Variants in KLF12 observed in about 807,000 individuals in gnomAD.
KLF12 encodes the protein KLF transcription factor 12.
Under a neutral mutation model 37.8 loss-of-function variants are expected in KLF12, and 9 were observed. That is an observed-to-expected ratio of 0.24 (90% CI 0.14 to 0.42). The LOEUF is 0.42. KLF12 is among the 10% of genes least tolerant of loss of function. The probability of loss-of-function intolerance (pLI) is 1.00; values close to 1 mark genes in which losing one functional copy is unlikely to be tolerated. For synonymous variants in KLF12, 208 were observed against 202.1 expected (o/e 1.03, Z -0.25); for missense variants, 411 against 516.0 (o/e 0.80, Z 1.97).
intron 1 of KLF12, among the ~76,000 whole-genome samples, chr13:74,060,053 A>G (rs1327285479): frequency 1.3e-5 from 2 of 152,150 alleles, no homozygotes; most frequent in African/African-American, 4.8e-5. Flanking sequence ...CCACTTTGTC[A>G]AAGATCAGTT....
chr13:74,179,723 C>G, the KLF12 span, among the ~76,000 whole-genome samples: 104 of 152,248 alleles, frequency 6.8e-4, no homozygotes, highest in Non-Finnish European at 1.1e-3. Flanking sequence ...TAGTGTACTC[C>G]AGGTGGCTAG....
At chr13:73,987,164 T>G (rs1891845454) in intron 2 of KLF12, among the ~76,000 whole-genome samples, 1 of 152,146 alleles carries the variant, frequency 6.6e-6, no homozygotes, top group Non-Finnish European at 1.5e-5. Flanking sequence ...AAAAACTGAT[T>G]ACGTGTAAGA....
At chr13:74,192,046 CA>C in the KLF12 span, among the ~76,000 whole-genome samples, 1 of 151,874 alleles carries the variant, frequency 6.6e-6, no homozygotes, top group South Asian at 2.1e-4. Flanking sequence ...CAGTCACATT[CA>C]AACTTATTGT....
chr13:74,057,470 G>A (rs1013660610), intron 1 of KLF12, among the ~76,000 whole-genome samples: 10 of 152,164 alleles, frequency 6.6e-5, no homozygotes, highest in Non-Finnish European at 1.5e-4. Flanking sequence ...CAATCGAAAC[G>A]ATGGCTACAA....
At chr13:74,027,567 T>G (rs1893008459) in intron 1 of KLF12, among the ~76,000 whole-genome samples, 1 of 152,154 alleles carries the variant, frequency 6.6e-6, no homozygotes, top group South Asian at 2.1e-4. Context: ...ACAGTAAAAC[T>G]GAAGATAAAG....
At chr13:73,704,927 T>C (rs987494030) in intron 7 of KLF12, among the ~76,000 whole-genome samples, 1 of 152,170 alleles carries the variant, frequency 6.6e-6, no homozygotes, top group African/African-American at 2.4e-5. Flanking sequence ...AAATAGAACA[T>C]AGGAGGGTCA....
the KLF12 span, among the ~76,000 whole-genome samples, chr13:74,176,332 A>G: frequency 6.6e-6 from 1 of 152,172 alleles, no homozygotes; most frequent in Non-Finnish European, 1.5e-5. Flanking sequence ...AATTTTCTAC[A>G]AATACATAAA....
chr13:74,119,332 C>CA (rs35654507), intron 1 of KLF12, among the ~76,000 whole-genome samples: 37 of 142,174 alleles, frequency 2.6e-4, no homozygotes, highest in African/African-American at 4.5e-4. Flanking sequence ...ACTCTTATCG[C>CA]AAAAAAAAAA....
the KLF12 span, among the ~76,000 whole-genome samples, chr13:74,250,464 G>A: frequency 1.3e-5 from 2 of 152,148 alleles, no homozygotes; most frequent in African/African-American, 4.8e-5. Context: ...TAGGAGGAAA[G>A]GATGCTGAAG....
chr13:73,860,731 G>GA (rs1371834529), intron 3 of KLF12, among the ~76,000 whole-genome samples: 18 of 151,688 alleles, frequency 1.2e-4, no homozygotes, highest in African/African-American at 4.3e-4. Flanking sequence ...GCGACAGAGT[G>GA]AAAAAAAATC....
chr13:74,017,746 CA>C (rs1165300730), intron 1 of KLF12, among the ~76,000 whole-genome samples: 4 of 151,836 alleles, frequency 2.6e-5, no homozygotes, highest in Admixed American at 2.6e-4. Context: ...AATATTTATA[CA>C]TATATCTAAA....
intron 2 of KLF12, among the ~76,000 whole-genome samples, chr13:73,970,106 G>A (rs796603938): frequency 7.9e-5 from 12 of 152,144 alleles, no homozygotes; most frequent in African/African-American, 2.9e-4. Flanking sequence ...ATCAAACTAG[G>A]TCAATCCATC....
At chr13:73,892,408 C>T (rs1470503578) in intron 3 of KLF12, among the ~76,000 whole-genome samples, 3 of 152,046 alleles carry the variant, frequency 2.0e-5, no homozygotes, top group African/African-American at 4.8e-5. Context: ...TTCTTAAAAA[C>T]GCTAGAATCA....
chr13:74,081,217 C>A (rs1457116642), intron 1 of KLF12, among the ~76,000 whole-genome samples: 1 of 152,144 alleles, frequency 6.6e-6, no homozygotes, highest in Non-Finnish European at 1.5e-5. Flanking sequence ...ACTTTGATTA[C>A]ATTACAGAAA....
intron 6 of KLF12, among the ~76,000 whole-genome samples, chr13:73,757,034 A>G (rs1412688724): frequency 6.6e-6 from 1 of 152,134 alleles, no homozygotes; most frequent in African/African-American, 2.4e-5. Flanking sequence ...AAAGAACCCC[A>G]TCTATACAGC....
At chr13:73,801,700 G>A (rs766119950) in intron 5 of KLF12, 1 of 151,982 alleles carries the variant, frequency 6.6e-6, no homozygotes, top group African/African-American at 2.4e-5. Context: ...TCTTGCAATC[G>A]GTTTGGAATA....
At chr13:73,959,275 C>T (rs1400210453) in intron 2 of KLF12, among the ~76,000 whole-genome samples, 2 of 152,074 alleles carry the variant, frequency 1.3e-5, no homozygotes, top group Admixed American at 1.3e-4. Context: ...AATTCTTGGC[C>T]AGTCACAGCC....
At chr13:74,200,172 C>A in the KLF12 span, among the ~76,000 whole-genome samples, 4 of 141,380 alleles carry the variant, frequency 2.8e-5, no homozygotes, top group Non-Finnish European at 6.1e-5. Flanking sequence ...ACATGGCTAA[C>A]CTTTTCTAAG....
At chr13:74,221,839 C>T in the KLF12 span, among the ~76,000 whole-genome samples, 1 of 152,148 alleles carries the variant, frequency 6.6e-6, no homozygotes, top group Non-Finnish European at 1.5e-5. Flanking sequence ...CCAAAGTCTA[C>T]TCTGTGTGAG....
Sources: gnomAD v4.1 joint callset for allele counts (sites outside exome capture counted in the v4.1 genomes callset) on GRCh38, gnomAD v4.1.1 for gene constraint, MANE v1.5 for transcripts, NCBI Gene and HGNC (gene_info 2026-07-23, HGNC 2026-07-21) for gene names.